Variants in MYT1L observed in about 807,000 individuals in gnomAD.
MYT1L encodes myelin transcription factor 1-like protein.
A neutral mutation model predicts 126.7 loss-of-function variants in MYT1L; 12 were observed. That is an observed-to-expected ratio of 0.09 (90% CI 0.06 to 0.15). MYT1L has a LOEUF of 0.15. Ranked by LOEUF, MYT1L falls within the 10% of genes least tolerant of loss-of-function variation. The pLI is 1.00. For synonymous variants in MYT1L, 541 were observed against 604.2 expected (o/e 0.90, Z 1.53); for missense variants, 979 against 1,585.2 (o/e 0.62, Z 6.49).
rs114559724 is a variant in MYT1L at position 2,008,504 on chromosome 2, C to T, written c.-157-11157G>A. ...TGTTGTTTTGAAAAATGTCTGTTTA[C>T]GGCCTTCGCTCATTTGAGGATTATT... On this transcript the variant is annotated intron_variant, in intron 4 of 24. Coordinates refer to ENST00000647738, the MANE Select transcript of MYT1L (RefSeq NM_001303052.2). 2.2e-3 allele frequency among the ~76,000 whole-genome samples: 331 copies of T among 152,310 alleles called. 1 individual carries two copies. Among genetic ancestry groups the T allele is most frequent in the African/African-American group, 7.1e-3 (296 of 41,558 alleles).
intron 2 of MYT1L, among the ~76,000 whole-genome samples, chr2:2,236,469 C>T (rs1441284897): frequency 2.7e-5 from 4 of 146,218 alleles, no homozygotes; most frequent in African/African-American, 1.0e-4. Flanking sequence ...CAACCCAGTA[C>T]ATCCCAACCC....
intron 3 of MYT1L, among the ~76,000 whole-genome samples, chr2:2,054,725 A>T (rs1047681910): frequency 5.9e-5 from 9 of 151,798 alleles, no homozygotes; most frequent in African/African-American, 2.2e-4. Flanking sequence ...ATGTATGGAG[A>T]TGACAAGACA....
chr2:2,294,178 T>C (rs1161369784), intron 1 of MYT1L, among the ~76,000 whole-genome samples: 3 of 152,140 alleles, frequency 2.0e-5, no homozygotes, highest in African/African-American at 7.2e-5. Context: ...ACAAGCATGG[T>C]TGGTCACAGG....
intron 5 of MYT1L, among the ~76,000 whole-genome samples, chr2:1,984,378 G>A (rs1293686521): frequency 6.6e-6 from 1 of 151,778 alleles, no homozygotes; most frequent in East Asian, 1.9e-4. Context: ...TCAATTATTT[G>A]TAGAGCCAGG....
At chr2:2,127,341 C>T (rs765866906) in intron 3 of MYT1L, among the ~76,000 whole-genome samples, 12 of 152,184 alleles carry the variant, frequency 7.9e-5, no homozygotes, top group Non-Finnish European at 1.0e-4. Flanking sequence ...GCCAAAGAGC[C>T]TCCTCGGTAA....
intron 4 of MYT1L, among the ~76,000 whole-genome samples, chr2:2,041,259 A>C (rs1054313430): frequency 1.3e-5 from 2 of 152,212 alleles, no homozygotes; most frequent in Non-Finnish European, 2.9e-5. Flanking sequence ...AAGATTGTGA[A>C]ATCGCCACAT....
At chr2:2,085,703 A>C (rs2076282724) in intron 3 of MYT1L, among the ~76,000 whole-genome samples, 1 of 152,130 alleles carries the variant, frequency 6.6e-6, no homozygotes, top group Non-Finnish European at 1.5e-5. Context: ...AATGTTGGCA[A>C]AATTGAATTT....
rs1398480262 is a variant in MYT1L, at chr2:1,791,551, ACT to A, written c.*314_*315del. The A allele has an allele frequency of 1.4e-5, 5 of 351,794 alleles. No homozygotes were observed. In the East Asian group the frequency reaches 3.3e-4, roughly 23 times the overall value. 21.8% of individuals were successfully genotyped at this position (351,794 alleles called of 1,614,324 possible). A position where few individuals can be genotyped will look rare whatever the true frequency, so the allele number is the denominator to read the frequency against. ...CACTAAAGCATTAAAAAGAATTTAC[ACT>A]CTATTTATTTTGATCAGCTTACCTC... On this transcript the variant is annotated 3_prime_UTR_variant, in exon 25 of 25. Transcript: ENST00000647738. The surrounding 1 kb of genome is among the most constrained non-coding windows in gnomAD (Gnocchi z 6.0).
Position 1,889,597 on chromosome 2 carries a change from C to T in MYT1L, c.2284-120G>A. 2.8e-6 allele frequency: 2 copies of T among 721,058 alleles called. No individual in the cohort carries two copies. Among genetic ancestry groups the T allele is most frequent in the Non-Finnish European group, 2.1e-6 (1 of 469,134 alleles). 44.7% of individuals were successfully genotyped at this position (721,058 alleles called of 1,614,324 possible). A position where few individuals can be genotyped will look rare whatever the true frequency, so the allele number is the denominator to read the frequency against. On this transcript the variant is annotated intron_variant, in intron 15 of 24. Coordinates refer to ENST00000647738, the MANE Select transcript of MYT1L (RefSeq NM_001303052.2). The surrounding 1 kb of genome is among the most constrained non-coding windows in gnomAD (Gnocchi z 4.1). Reference sequence around the variant, plus strand: ...GTAGCGTTCAACACAGAATCCCTCGCTGCTGTTTCCTTGGCCTAAACTCCC... The same window carrying T: ...GTAGCGTTCAACACAGAATCCCTCGTTGCTGTTTCCTTGGCCTAAACTCCC...
At chr2:1,818,717 G>C (rs923609673) in intron 21 of MYT1L, among the ~76,000 whole-genome samples, 1 of 152,144 alleles carries the variant, frequency 6.6e-6, no homozygotes, top group African/African-American at 2.4e-5. Context: ...GGTGTTCTTG[G>C]AGCCACGTGA....
chr2:1,973,862 C>T (rs1050302303), intron 8 of MYT1L, among the ~76,000 whole-genome samples: 3 of 152,304 alleles, frequency 2.0e-5, no homozygotes, highest in South Asian at 4.2e-4. Context: ...ACCAATGCAG[C>T]GTTGCTCAAA....
chr2:2,001,237 CTT>C (rs11389323), intron 4 of MYT1L, among the ~76,000 whole-genome samples: 8 of 103,878 alleles, frequency 7.7e-5, no homozygotes, highest in Admixed American at 3.0e-4. Context: ...TTGGTTTTAG[CTT>C]TTTTTTTTTT....
At chr2:2,132,920 C>T (rs1378522617) in intron 3 of MYT1L, among the ~76,000 whole-genome samples, 1 of 152,114 alleles carries the variant, frequency 6.6e-6, no homozygotes, top group Non-Finnish European at 1.5e-5. Flanking sequence ...GCCTTAAAAG[C>T]AGTCCCCTGT....
chr2:2,020,541 C>T (rs1558760942), intron 4 of MYT1L, among the ~76,000 whole-genome samples: 1 of 152,208 alleles, frequency 6.6e-6, no homozygotes, highest in East Asian at 1.9e-4. Flanking sequence ...AGTTCCTAGA[C>T]ATGTCTACCT....
At chr2:2,011,382 G>C (rs532901469) in intron 4 of MYT1L, among the ~76,000 whole-genome samples, 1 of 147,120 alleles carries the variant, frequency 6.8e-6, no homozygotes, top group Non-Finnish European at 1.5e-5. Flanking sequence ...CAGCCTGGGT[G>C]ACAGAGCAAG....
intron 1 of MYT1L, among the ~76,000 whole-genome samples, chr2:2,292,440 G>T (rs1004232227): frequency 2.6e-5 from 4 of 152,206 alleles, no homozygotes; most frequent in Non-Finnish European, 4.4e-5. Flanking sequence ...TCCCCACTTC[G>T]ATTTCCTTTG....
intron 1 of MYT1L, chr2:2,319,498 C>T (rs2149679078): frequency 6.6e-6 from 1 of 152,186 alleles, no homozygotes; most frequent in Non-Finnish European, 1.5e-5. Flanking sequence ...GAATGTGTGA[C>T]TCTTGATTTT....
intron 8 of MYT1L, among the ~76,000 whole-genome samples, chr2:1,977,622 T>C (rs1453819736): frequency 6.6e-6 from 1 of 152,224 alleles, no homozygotes; most frequent in African/African-American, 2.4e-5. Flanking sequence ...TGTATGCCTG[T>C]ATCAAAATAT....
intron 21 of MYT1L, among the ~76,000 whole-genome samples, chr2:1,837,435 G>A (rs2148356864): frequency 6.6e-6 from 1 of 152,340 alleles, no homozygotes; most frequent in Non-Finnish European, 1.5e-5. Flanking sequence ...TATTAATGGT[G>A]AAAGGTTTGG....
Sources: allele counts gnomAD v4.1 joint callset (sites outside exome capture counted in the v4.1 genomes callset), GRCh38; gene constraint gnomAD v4.1.1; non-coding constraint Gnocchi (gnomAD v3.1); transcripts MANE v1.5; gene names NCBI Gene and HGNC (gene_info 2026-07-23, HGNC 2026-07-21).